Variants in MYO16 observed in about 807,000 individuals in gnomAD.
MYO16 encodes myosin XVI.
MYO16 carries 94 observed loss-of-function variants against 205.3 expected under a neutral mutation model. The observed-to-expected ratio is 0.46, with a 90% CI of 0.39 to 0.54. MYO16 has a LOEUF of 0.54. Ranked by LOEUF, MYO16 falls within the 20% of genes least tolerant of loss-of-function variation. MYO16 has a pLI of 0.00. For missense variants in MYO16, 2,315 were observed against 2,387.5 expected, an observed-to-expected ratio of 0.97 and a Z score of 0.63; for synonymous variants, 988 against 954.0, an observed-to-expected ratio of 1.04 and a Z score of -0.66.
chr13:108,972,539 T>C (rs2139394898), intron 20 of MYO16, among the ~76,000 whole-genome samples: 1 of 149,932 alleles, frequency 6.7e-6, no homozygotes, highest in East Asian at 2.0e-4. Flanking sequence ...TCGTGATCTT[T>C]TTGTTTCACA....
chr13:109,194,437 A>G (rs1880060053), intron 34 of MYO16, among the ~76,000 whole-genome samples: 1 of 152,072 alleles, frequency 6.6e-6, no homozygotes, highest in South Asian at 2.1e-4. Flanking sequence ...ATGATATTGA[A>G]CCTGCATATT....
chr13:109,022,506 ATG>A lies in MYO16; in HGVS notation c.2796+2597_2796+2598del, dbSNP rs1264138304. On this transcript the variant is annotated intron_variant, in intron 23 of 34. Coordinates refer to ENST00000457511, the MANE Select transcript of MYO16 (RefSeq NM_001198950.3). ...TATGTTATATATACAATATAAACAT[ATG>A]TATATATTTGTTATATATACAATAT... Among the ~76,000 whole-genome samples, 68 of 17,494 alleles carry A rather than the reference ATG, an allele frequency of 3.9e-3. 1 individual carries two copies. The highest frequency in any genetic ancestry group is 9.4e-3 in the African/African-American group (64 of 6,830). The allele number at this position is 17,494 out of a possible 152,430, so 11.5% of individuals were successfully genotyped here.
At chr13:108,821,934 G>T (rs897543935) in intron 8 of MYO16, among the ~76,000 whole-genome samples, 4 of 152,104 alleles carry the variant, frequency 2.6e-5, no homozygotes, top group African/African-American at 9.7e-5. Flanking sequence ...TTTGCTACTT[G>T]AATAAAAATA....
intron 11 of MYO16, among the ~76,000 whole-genome samples, chr13:108,861,815 A>G (rs1465296232): frequency 1.3e-5 from 2 of 152,012 alleles, no homozygotes; most frequent in Admixed American, 1.3e-4. Context: ...TTCTTGATAT[A>G]TAGGAGTTTT....
At chr13:109,021,160 A>C (rs933992815) in intron 23 of MYO16, among the ~76,000 whole-genome samples, 18 of 152,154 alleles carry the variant, frequency 1.2e-4, no homozygotes, top group African/African-American at 4.3e-4. Context: ...ATAGGAGAGA[A>C]TCCATTCTAC....
intron 12 of MYO16, among the ~76,000 whole-genome samples, chr13:108,874,188 A>G (rs1046667464): frequency 6.7e-6 from 1 of 148,546 alleles, no homozygotes; most frequent in African/African-American, 2.5e-5. Flanking sequence ...GTTAGAAGGG[A>G]GTAAATCCTA....
chr13:108,805,472 A>G (rs1331779876), intron 6 of MYO16, among the ~76,000 whole-genome samples: 1 of 152,164 alleles, frequency 6.6e-6, no homozygotes, highest in Admixed American at 6.5e-5. Context: ...TGTCTTTGTA[A>G]TAAAAACACA....
intron 34 of MYO16, among the ~76,000 whole-genome samples, chr13:109,182,371 G>T (rs1331148994): frequency 6.6e-6 from 1 of 152,148 alleles, no homozygotes; most frequent in Non-Finnish European, 1.5e-5. Flanking sequence ...GACAACAATT[G>T]ACCTGGCTCC....
At chr13:109,017,917 G>C (rs1265041579) in intron 22 of MYO16, among the ~76,000 whole-genome samples, 2 of 152,068 alleles carry the variant, frequency 1.3e-5, no homozygotes, top group East Asian at 1.9e-4. Flanking sequence ...AACATCCTCT[G>C]TTAGCCCGGA....
At chr13:108,588,117 T>C in the MYO16 span, among the ~76,000 whole-genome samples, 1 of 152,194 alleles carries the variant, frequency 6.6e-6, no homozygotes. Flanking sequence ...CTTTTTATTA[T>C]TATAAACACA....
intron 27 of MYO16, among the ~76,000 whole-genome samples, chr13:109,095,729 T>TA (rs1484648202): frequency 1.1e-4 from 16 of 152,154 alleles, no homozygotes; most frequent in African/African-American, 3.4e-4. Flanking sequence ...GAGAGAGAAT[T>TA]AAAAAAATAA....
intron 2 of MYO16, among the ~76,000 whole-genome samples, chr13:108,690,004 T>C (rs910326977): frequency 7.2e-5 from 11 of 152,220 alleles, no homozygotes; most frequent in Non-Finnish European, 1.5e-4. Flanking sequence ...TCTCATCTGA[T>C]GTCCCACTAC....
chr13:108,656,249 G>T (rs969495437), intron 1 of MYO16, among the ~76,000 whole-genome samples: 1 of 152,102 alleles, frequency 6.6e-6, no homozygotes. Context: ...TCGTGGTAGG[G>T]ATTAATCTCA....
At chr13:108,739,232 G>A (rs1460102816) in intron 4 of MYO16, among the ~76,000 whole-genome samples, 3 of 152,122 alleles carry the variant, frequency 2.0e-5, no homozygotes, top group African/African-American at 4.8e-5. Context: ...TCCTAGCATC[G>A]ATGGTCTTTA....
At chr13:108,877,113 A>G (rs1879367193) in intron 12 of MYO16, among the ~76,000 whole-genome samples, 1 of 152,102 alleles carries the variant, frequency 6.6e-6, no homozygotes, top group South Asian at 2.1e-4. Context: ...TTGTCTATTA[A>G]TCTTTATTAT....
At position 109,140,224 on chromosome 13, in the gene MYO16, C is replaced by T; in HGVS notation, c.4052-40C>T. ...CCGGGCTTGGTGGGCACCCGTGGGC[C>T]TGGCCTGGCACCCACTGACCGCGTC... On this transcript the variant is annotated intron_variant, in intron 31 of 34. Coordinates refer to ENST00000457511, the MANE Select transcript of MYO16 (RefSeq NM_001198950.3). The surrounding 1 kb of genome is among the most constrained non-coding windows in gnomAD (Gnocchi z 8.0). The T allele has an allele frequency of 6.3e-7, 1 of 1,591,764 alleles. No individual in the cohort carries two copies. The highest frequency in any genetic ancestry group is 2.3e-5 in the East Asian group (1 of 44,296).
the MYO16 span, among the ~76,000 whole-genome samples, chr13:108,551,746 C>T: frequency 1.3e-5 from 2 of 152,158 alleles, no homozygotes; most frequent in Admixed American, 6.5e-5. Context: ...TTTCTCTCAA[C>T]TTGTCTCTTA....
At chr13:108,500,778 T>C in the MYO16 span, among the ~76,000 whole-genome samples, 13 of 152,284 alleles carry the variant, frequency 8.5e-5, no homozygotes, top group East Asian at 2.5e-3. Flanking sequence ...TGATTTATCT[T>C]AAATGCAAAT....
intron 27 of MYO16, among the ~76,000 whole-genome samples, chr13:109,100,153 T>A (rs1236599931): frequency 6.6e-6 from 1 of 152,218 alleles, no homozygotes; most frequent in Non-Finnish European, 1.5e-5. Flanking sequence ...TTTAAATGGA[T>A]GATGTAATTT....
Sources: gnomAD v4.1 joint callset for allele counts (sites outside exome capture counted in the v4.1 genomes callset) on GRCh38, gnomAD v4.1.1 for gene constraint, Gnocchi (gnomAD v3.1) non-coding constraint, MANE v1.5 for transcripts, NCBI Gene and HGNC (gene_info 2026-07-23, HGNC 2026-07-21) for gene names.